LRRTM4: variants seen among roughly 807,000 people sequenced by gnomAD.
The protein encoded by LRRTM4 is leucine rich repeat transmembrane neuronal 4.
In LRRTM4, 25 loss-of-function variants were observed where a neutral mutation model predicts 47.6. That is an observed-to-expected ratio of 0.53 (90% CI 0.38 to 0.73). The LOEUF is 0.73. LRRTM4 is among the 30% of genes least tolerant of loss of function. LRRTM4 has a pLI of 0.00. For synonymous variants in LRRTM4, 311 were observed against 269.5 expected, an observed-to-expected ratio of 1.15 and a Z score of -1.51; for missense variants, 638 against 713.4, an observed-to-expected ratio of 0.89 and a Z score of 1.20.
intron 3 of LRRTM4, among the ~76,000 whole-genome samples, chr2:77,285,358 A>ATATATATATATATATATATATATATATC: frequency 7.0e-6 from 1 of 142,234 alleles, no homozygotes. Flanking sequence ...ATATATATAT[A>ATATATATATATATATATATATATATATC]TATATGGCCA....
chr2:77,218,111 C>T (rs2103940021), intron 3 of LRRTM4, among the ~76,000 whole-genome samples: 1 of 152,308 alleles, frequency 6.6e-6, no homozygotes, highest in African/African-American at 2.4e-5. Context: ...TCTTCTGCCT[C>T]AGCCTCCCCA....
chr2:77,477,842 C>CA (rs138492779), intron 3 of LRRTM4, among the ~76,000 whole-genome samples: 38,916 of 96,976 alleles, frequency 0.4, 8,093 homozygotes, highest in Middle Eastern at 0.54. Context: ...AAAACTCCAT[C>CA]AAAAAAAAAA....
chr2:77,078,119 CT>C (rs1680405959), intron 3 of LRRTM4, among the ~76,000 whole-genome samples: 1 of 152,062 alleles, frequency 6.6e-6, no homozygotes, highest in South Asian at 2.1e-4. Flanking sequence ...GCATTTTTAC[CT>C]TTTGCTTTAA....
chr2:76,756,907 ATACT>A (rs766425162), intron 3 of LRRTM4, among the ~76,000 whole-genome samples: 2 of 152,172 alleles, frequency 1.3e-5, no homozygotes, highest in Non-Finnish European at 2.9e-5. Flanking sequence ...CGTTGCTCAG[ATACT>A]TAGATATTTG....
intron 3 of LRRTM4, among the ~76,000 whole-genome samples, chr2:77,016,140 C>T (rs1478949267): frequency 6.6e-6 from 1 of 151,938 alleles, no homozygotes; most frequent in Non-Finnish European, 1.5e-5. Flanking sequence ...ATAATCCCAG[C>T]ACTTTGGGAG....
rs74373425 is a variant in LRRTM4, at chr2:77,428,977, A to G, written c.1551+89341T>C. ...GAAGAAAAAGAACAGACCTAAATTAATCCTTTACTGGGTAGGAAAGTTTAA... is the reference window on the plus strand; with the variant it reads ...GAAGAAAAAGAACAGACCTAAATTAGTCCTTTACTGGGTAGGAAAGTTTAA... On this transcript the variant is annotated intron_variant, in intron 3 of 3. Coordinates refer to ENST00000409884, the MANE Select transcript of LRRTM4 (RefSeq NM_001134745.3). Among the ~76,000 whole-genome samples the G allele has an allele frequency of 1.1e-4, 17 of 152,280 alleles. No individual in the cohort carries two copies. The East Asian group carries it at 3.3e-3, about 29-fold the overall frequency.
At chr2:77,510,614 T>C (rs1436108670) in intron 3 of LRRTM4, among the ~76,000 whole-genome samples, 1 of 152,090 alleles carries the variant, frequency 6.6e-6, no homozygotes, top group Non-Finnish European at 1.5e-5. Context: ...AATTTTGCTT[T>C]AAGTTAAAAA....
At chr2:77,300,085 C>T (rs1277273929) in intron 3 of LRRTM4, among the ~76,000 whole-genome samples, 1 of 151,956 alleles carries the variant, frequency 6.6e-6, no homozygotes, top group Non-Finnish European at 1.5e-5. Context: ...CTCTTGACCT[C>T]GTGATGTACC....
chr2:77,308,660 C>A (rs1183513770), intron 3 of LRRTM4, among the ~76,000 whole-genome samples: 1 of 152,102 alleles, frequency 6.6e-6, no homozygotes, highest in Admixed American at 6.5e-5. Context: ...TTTCTTCTAT[C>A]ATTCCCACTT....
intron 3 of LRRTM4, among the ~76,000 whole-genome samples, chr2:76,919,802 T>A (rs1674377181): frequency 6.6e-6 from 1 of 152,152 alleles, no homozygotes; most frequent in African/African-American, 2.4e-5. Context: ...ATATTGAAGG[T>A]TAAAAAGTAT....
At position 77,412,949 on chromosome 2, in the gene LRRTM4, T is replaced by C. The variant is rs1392884528; in HGVS notation, c.1551+105369A>G. Among the ~76,000 whole-genome samples the C allele has an allele frequency of 2.0e-5, 3 of 152,204 alleles. No individual in the cohort carries two copies. In the East Asian group the frequency reaches 5.8e-4, roughly 29 times the overall value. On this transcript the variant is annotated intron_variant, in intron 3 of 3. Transcript: ENST00000409884. ...CTGAGGTTTCAATAATACTCTCTTA[T>C]CATTGTTCAGCAATTTACTACTTAA...
intron 3 of LRRTM4, among the ~76,000 whole-genome samples, chr2:77,418,501 G>T (rs1195927769): frequency 2.0e-5 from 3 of 152,166 alleles, no homozygotes; most frequent in Non-Finnish European, 4.4e-5. Flanking sequence ...GGCTTTGGTT[G>T]TCCTAATTTA....
At chr2:76,914,830 T>C (rs1016504228) in intron 3 of LRRTM4, among the ~76,000 whole-genome samples, 5 of 152,214 alleles carry the variant, frequency 3.3e-5, no homozygotes, top group African/African-American at 1.2e-4. Context: ...TTCTCTATTA[T>C]AGTCTGGCTA....
chr2:76,837,465 T>C (rs1671547720), intron 3 of LRRTM4, among the ~76,000 whole-genome samples: 2 of 152,062 alleles, frequency 1.3e-5, no homozygotes, highest in African/African-American at 4.8e-5. Context: ...CTTTTAATTG[T>C]GATGTTAGGG....
chr2:77,203,353 A>G (rs1328879135), intron 3 of LRRTM4, among the ~76,000 whole-genome samples: 2 of 152,056 alleles, frequency 1.3e-5, no homozygotes, highest in Non-Finnish European at 2.9e-5. Context: ...AGGGGATGGT[A>G]ATTAATGAAA....
chr2:77,002,198 C>T (rs1038706839), intron 3 of LRRTM4, among the ~76,000 whole-genome samples: 1 of 152,034 alleles, frequency 6.6e-6, no homozygotes, highest in Non-Finnish European at 1.5e-5. Context: ...TGTTAGCTTC[C>T]TTTTAAAATA....
chr2:77,245,262 C>A (rs911219622), intron 3 of LRRTM4, among the ~76,000 whole-genome samples: 2 of 151,946 alleles, frequency 1.3e-5, no homozygotes, highest in Non-Finnish European at 2.9e-5. Context: ...TACTGATGTT[C>A]ATGGCCAGGC....
chr2:77,052,801 G>A (rs544625340), intron 3 of LRRTM4, among the ~76,000 whole-genome samples: 15 of 151,964 alleles, frequency 9.9e-5, no homozygotes, highest in African/African-American at 3.4e-4. Context: ...TACAAAGGAC[G>A]CTGACACAGA....
At chr2:77,396,335 G>A (rs528843293) in intron 3 of LRRTM4, among the ~76,000 whole-genome samples, 1 of 151,812 alleles carries the variant, frequency 6.6e-6, no homozygotes, top group African/African-American at 2.4e-5. Flanking sequence ...CTCCCCTCAA[G>A]GCATTCATCA....
Sources: allele counts gnomAD v4.1 joint callset (sites outside exome capture counted in the v4.1 genomes callset), GRCh38; gene constraint gnomAD v4.1.1; transcripts MANE v1.5; gene names NCBI Gene and HGNC (gene_info 2026-07-23, HGNC 2026-07-21).